ERC1: variants seen among roughly 807,000 people sequenced by gnomAD.
ERC1 encodes the protein ELKS/RAB6-interacting/CAST family member 1.
In ERC1, 56 loss-of-function variants were observed where a neutral mutation model predicts 132.0. The ratio of observed to expected loss-of-function variants is 0.42; its 90% CI spans 0.34 to 0.53. ERC1 has a LOEUF of 0.53. Among genes scored for constraint, ERC1 ranks in the 20% least tolerant of loss-of-function variants. The pLI, the probability that ERC1 is intolerant of heterozygous loss-of-function variation, is 0.03. For synonymous variants in ERC1, 478 were observed against 476.1 expected (o/e 1.00, Z -0.05); for missense variants, 1,202 against 1,349.9 (o/e 0.89, Z 1.72).
chr12:1,385,491 A>G (rs1591674859), intron 16 of ERC1, among the ~76,000 whole-genome samples: 1 of 152,070 alleles, frequency 6.6e-6, no homozygotes, highest in African/African-American at 2.4e-5. Flanking sequence ...TCACCGTGTT[A>G]GCCAGGATGG....
At chr12:1,056,736 C>T (rs1483182718) in intron 2 of ERC1, among the ~76,000 whole-genome samples, 1 of 152,128 alleles carries the variant, frequency 6.6e-6, no homozygotes, top group African/African-American at 2.4e-5. Flanking sequence ...GTTGAACATA[C>T]CTGGCCCCCA....
At chr12:1,121,524 G>A (rs115716494) in intron 7 of ERC1, among the ~76,000 whole-genome samples, 1,617 of 152,286 alleles carry the variant, frequency 0.011, 33 homozygotes, top group African/African-American at 0.036. Flanking sequence ...TGACGAGATT[G>A]TGAAAGAAGA....
chr12:1,037,813 G>C (rs1969370809), intron 2 of ERC1, among the ~76,000 whole-genome samples: 1 of 152,042 alleles, frequency 6.6e-6, no homozygotes, highest in Admixed American at 6.6e-5. Flanking sequence ...GGGAGGCCGA[G>C]GCGGGCAGAT....
At chr12:1,248,680 G>GT (rs1295189726) in intron 13 of ERC1, among the ~76,000 whole-genome samples, 1 of 152,124 alleles carries the variant, frequency 6.6e-6, no homozygotes, top group East Asian at 1.9e-4. Context: ...TCAGGATACT[G>GT]TTTTTTGCAA....
chr12:1,483,668 C>CTTTTTTTTTTTT lies in ERC1; in HGVS notation c.3214-6398_3214-6387dup, dbSNP rs35596394. Among the ~76,000 whole-genome samples, 16 of 55,220 alleles carry CTTTTTTTTTTTT rather than the reference C, an allele frequency of 2.9e-4. 5 individuals carry two copies. The highest frequency in any genetic ancestry group is 5.3e-4 in the Non-Finnish European group (15 of 28,118). The allele number at this position is 55,220 out of a possible 152,430, so 36.2% of individuals were successfully genotyped here. A position where few individuals can be genotyped will look rare whatever the true frequency, so the allele number is the denominator to read the frequency against. On this transcript the variant is annotated intron_variant, in intron 18 of 18. Transcript: ENST00000360905. ...CAAAACTCCTTCCAGCCACTGAGAG[C>CTTTTTTTTTTTT]TTTTTTTTTTTTTTTTTTTTTTTTT...
chr12:1,078,792 A>G (rs1941733625), intron 2 of ERC1, among the ~76,000 whole-genome samples: 1 of 152,176 alleles, frequency 6.6e-6, no homozygotes, highest in Admixed American at 6.5e-5. Flanking sequence ...ATACAAAGAC[A>G]CAGATAGAAA....
Position 1,323,021 on chromosome 12 carries a change from C to T in ERC1, c.2780+33009C>T, listed in dbSNP as rs185086711. On this transcript the variant is annotated intron_variant, in intron 15 of 18. Transcript: ENST00000360905. Reference sequence around the variant, plus strand: ...ACCTACTTTCTGTTTCATCTCTCTTCTTATTGCCAAGCTGTTTCCTCACTA... The same window carrying T: ...ACCTACTTTCTGTTTCATCTCTCTTTTTATTGCCAAGCTGTTTCCTCACTA... Among the ~76,000 whole-genome samples the T allele has an allele frequency of 8.5e-5, 13 of 152,216 alleles. No homozygotes were observed. The East Asian group carries it at 2.3e-3, about 27-fold the overall frequency.
chr12:1,002,532 A>G (rs1172437467), intron 1 of ERC1, among the ~76,000 whole-genome samples: 3 of 151,998 alleles, frequency 2.0e-5, no homozygotes, highest in East Asian at 3.9e-4. Flanking sequence ...TCTTTTGTGT[A>G]TTTGGCCAGG....
At chr12:1,437,243 A>G (rs1008260374) in intron 17 of ERC1, among the ~76,000 whole-genome samples, 6 of 152,188 alleles carry the variant, frequency 3.9e-5, no homozygotes, top group Non-Finnish European at 8.8e-5. Context: ...TTCAGGGCGC[A>G]TACTGTATGT....
At chr12:1,224,232 T>C (rs2074376514) in intron 12 of ERC1, among the ~76,000 whole-genome samples, 1 of 152,124 alleles carries the variant, frequency 6.6e-6, no homozygotes, top group African/African-American at 2.4e-5. Flanking sequence ...TATGCATACA[T>C]TCATAAAACC....
At chr12:1,444,370 G>A (rs1339686794) in intron 17 of ERC1, 192 bp from the exon 18 acceptor site, 12 of 482,292 alleles carry the variant, frequency 2.5e-5, no homozygotes, top group Non-Finnish European at 4.0e-5. Flanking sequence ...GGCTGCGTGT[G>A]ACAGCGTAAA....
chr12:1,029,119 C>A (rs963103658), intron 2 of ERC1, among the ~76,000 whole-genome samples: 1 of 152,068 alleles, frequency 6.6e-6, no homozygotes, highest in African/African-American at 2.4e-5. Flanking sequence ...CTTGGGAGGC[C>A]GAGGTGGGCG....
chr12:1,053,594 A>G lies in ERC1; in HGVS notation c.669+25022A>G, dbSNP rs145632761. Among the ~76,000 whole-genome samples the G allele has an allele frequency of 2.8e-3, 422 of 152,112 alleles. 5 individuals are homozygous for G. The highest frequency in any genetic ancestry group is 9.6e-3 in the African/African-American group (398 of 41,488). On this transcript the variant is annotated intron_variant, in intron 2 of 18. Transcript: ENST00000360905. ...TATAGCTTCAATTGTCCTCCCTCCTATTTATTTTTCATGAAATTATTCTCT... is the reference window on the plus strand; with the variant it reads ...TATAGCTTCAATTGTCCTCCCTCCTGTTTATTTTTCATGAAATTATTCTCT...
chr12:1,260,651 A>G (rs1190621035), intron 13 of ERC1, among the ~76,000 whole-genome samples: 2 of 152,138 alleles, frequency 1.3e-5, no homozygotes, highest in African/African-American at 2.4e-5. Context: ...CAAAACTAAA[A>G]CTAGTGCCAG....
In ERC1 at chr12:1,490,303, C is replaced by T. The variant is rs2094306119; in HGVS notation, c.*73C>T. 1.5e-5 allele frequency: 22 copies of T among 1,481,296 alleles called. No individual in the cohort carries two copies. Among genetic ancestry groups the T allele is most frequent in the Middle Eastern group, 2.3e-4 (1 of 4,258 alleles). The allele number at this position is 1,481,296 out of a possible 1,614,324, so 91.8% of individuals were successfully genotyped here. On this transcript the variant is annotated 3_prime_UTR_variant, in exon 19 of 19. Coordinates refer to ENST00000360905, the MANE Select transcript of ERC1 (RefSeq NM_178040.4). ...AAGAGAACTACGAGGAACAGGTGCC[C>T]GGAACCTTCTTGGCACCAAACACTA... is the stretch of plus-strand genomic sequence containing the variant.
At chr12:1,140,867 G>A (rs911779011) in intron 7 of ERC1, among the ~76,000 whole-genome samples, 3 of 151,978 alleles carry the variant, frequency 2.0e-5, no homozygotes, top group Non-Finnish European at 4.4e-5. Context: ...TTTTATATGG[G>A]TTATATGTTT....
rs771498246 is a variant in ERC1, at chr12:1,495,373, CTCTT to C, written c.*5144_*5147del. On this transcript the variant is annotated 3_prime_UTR_variant, in exon 19 of 19. Transcript: ENST00000360905. Reference sequence around the variant, plus strand: ...CCTAGATCTCCTAGGCCCAGGCTCTCTCTTGACCCCAGAGAAGCCACTGTCAGGA... The same window carrying C: ...CCTAGATCTCCTAGGCCCAGGCTCTCGACCCCAGAGAAGCCACTGTCAGGA... The C allele has an allele frequency of 4.4e-6, 1 of 228,420 alleles. No homozygotes were observed. The allele number at this position is 228,420 out of a possible 1,614,324, so 14.1% of individuals were successfully genotyped here.
upstream of ERC1, among the ~76,000 whole-genome samples, chr12:990,787 G>C (rs550591872): frequency 3.9e-5 from 6 of 152,230 alleles, no homozygotes; most frequent in African/African-American, 1.2e-4. Flanking sequence ...CGAGAAGTAG[G>C]GGGTGGGGCG....
At chr12:1,073,318 AT>A (rs951943542) in intron 2 of ERC1, among the ~76,000 whole-genome samples, 5 of 151,778 alleles carry the variant, frequency 3.3e-5, no homozygotes, top group South Asian at 2.1e-4. Flanking sequence ...ATTTAAAAAA[AT>A]GTTTTTTTCA....
Sources: gnomAD v4.1 joint callset for allele counts (sites outside exome capture counted in the v4.1 genomes callset) on GRCh38, gnomAD v4.1.1 for gene constraint, MANE v1.5 for transcripts, NCBI Gene and HGNC (gene_info 2026-07-23, HGNC 2026-07-21) for gene names.